The following PAM variants were observed in gnomAD, a reference collection of about 807,000 sequenced individuals.
The protein encoded by PAM is peptidylglycine alpha-amidating monooxygenase.
In PAM, 72 loss-of-function variants were observed where a neutral mutation model predicts 122.1. The ratio of observed to expected loss-of-function variants is 0.59; its 90% confidence interval spans 0.49 to 0.72. The LOEUF (loss-of-function observed/expected upper bound fraction) is 0.72, where lower values mean the gene tolerates loss of function less well. PAM is among the 30% of genes least tolerant of loss of function. The pLI is 0.00. For synonymous variants in PAM, 389 were observed against 404.4 expected (o/e 0.96, Z 0.46); for missense variants, 1,106 against 1,183.7 (o/e 0.93, Z 0.96).
chr5:103,013,882 A>G (rs1781299695), intron 21 of PAM, among the ~76,000 whole-genome samples: 1 of 152,182 alleles, frequency 6.6e-6, no homozygotes, highest in African/African-American at 2.4e-5. Flanking sequence ...TCCTTTCTTT[A>G]GGTTTCTATT....
chr5:102,840,173 CAT>C (rs915863013), intron 1 of PAM, among the ~76,000 whole-genome samples: 1 of 151,978 alleles, frequency 6.6e-6, no homozygotes, highest in Non-Finnish European at 1.5e-5. Context: ...AATTTAGAAA[CAT>C]AGAAACACCT....
chr5:102,857,719 A>G (rs369089091), intron 1 of PAM, among the ~76,000 whole-genome samples: 2 of 152,250 alleles, frequency 1.3e-5, no homozygotes, highest in South Asian at 4.2e-4. Context: ...AGGAATGATA[A>G]TGGTACAAAT....
At chr5:102,861,556 T>G (rs936253186) in intron 1 of PAM, among the ~76,000 whole-genome samples, 1 of 152,188 alleles carries the variant, frequency 6.6e-6, no homozygotes, top group African/African-American at 2.4e-5. Flanking sequence ...CAGCTCTCTT[T>G]GGAACACCTG....
chr5:102,792,960 A>T (rs999923240), intron 1 of PAM, among the ~76,000 whole-genome samples: 3 of 152,126 alleles, frequency 2.0e-5, no homozygotes, highest in African/African-American at 7.2e-5. Context: ...TGATCAAGTA[A>T]CATTGGAATA....
At chr5:102,802,227 A>C (rs935383802) in intron 1 of PAM, among the ~76,000 whole-genome samples, 2 of 152,226 alleles carry the variant, frequency 1.3e-5, no homozygotes, top group Admixed American at 6.5e-5. Context: ...GAAATGTTGA[A>C]GTAAGTTTTT....
At chr5:102,987,436 G>C (rs1772249334) in intron 15 of PAM, 1 of 408,142 alleles carries the variant, frequency 2.5e-6, no homozygotes, top group Admixed American at 2.8e-5. Flanking sequence ...CCAACATGTA[G>C]AGAGATGAAA....
intron 16 of PAM, among the ~76,000 whole-genome samples, chr5:102,997,246 A>C (rs1446950405): frequency 6.6e-6 from 1 of 152,142 alleles, no homozygotes; most frequent in African/African-American, 2.4e-5. Context: ...TTTTTTAAGG[A>C]TCCAACTTTT....
intron 16 of PAM, among the ~76,000 whole-genome samples, chr5:103,001,936 G>A (rs1777510155): frequency 1.3e-5 from 2 of 151,962 alleles, no homozygotes; most frequent in South Asian, 4.1e-4. Flanking sequence ...CTTGCCTGAT[G>A]CTATAAAGGC....
chr5:102,933,044 C>A (rs971961922), intron 7 of PAM, among the ~76,000 whole-genome samples: 1 of 152,150 alleles, frequency 6.6e-6, no homozygotes, highest in African/African-American at 2.4e-5. Context: ...GAGTTCCCGT[C>A]CAGTGAGCAT....
chr5:103,025,214 A>T lies in PAM; in HGVS notation c.2569A>T (p.Ile857Phe). 6.2e-7 allele frequency: 1 copy of T among 1,613,804 alleles called. No individual in the cohort carries two copies. Among genetic ancestry groups the T allele is most frequent in the Non-Finnish European group, 8.5e-7 (1 of 1,179,736 alleles). ...GAAGATGCAAGAGAAACAGAAACTGATCAAAGAGCCAGGCTCGGGAGTGCC... is the reference window on the plus strand; with the variant it reads ...GAAGATGCAAGAGAAACAGAAACTGTTCAAAGAGCCAGGCTCGGGAGTGCC... Reference protein sequence around the residue: ...LQKMQEKQKLIKEPGSGVPVV... With the variant: ...LQKMQEKQKLFKEPGSGVPVV... Residue 857 changes from isoleucine (I) to phenylalanine (F), a missense_variant, in exon 24 of 26, where the codon ATC becomes TTC. Around this residue, in one of 3 missense-constraint regions of PAM, gnomAD observed 333 missense variants for 335.6 expected, o/e 0.99. Coordinates refer to ENST00000438793, the MANE Select transcript of PAM (RefSeq NM_001177306.2).
chr5:102,880,061 A>C (rs1581248073), intron 3 of PAM, among the ~76,000 whole-genome samples: 1 of 152,186 alleles, frequency 6.6e-6, no homozygotes, highest in Non-Finnish European at 1.5e-5. Flanking sequence ...AAGGTGGATC[A>C]CTTGAGCCCA....
Position 102,901,375 on chromosome 5 carries a change from T to C in PAM, c.230T>C (p.Met77Thr), listed in dbSNP as rs754072884. 14 of 1,586,850 alleles carry C rather than the reference T, an allele frequency of 8.8e-6. No homozygotes were observed. The highest frequency in any genetic ancestry group is 1.1e-5 in the Non-Finnish European group (13 of 1,156,708). Residue 77 changes from methionine to threonine, a missense_variant, in exon 4 of 26, where the codon ATG (methionine) becomes ACG (threonine). Coordinates refer to ENST00000438793, the MANE Select transcript of PAM (RefSeq NM_001177306.2). ...TPKQSDTYFCMSMRIPVDEEA... is the reference protein window; with the variant it reads ...TPKQSDTYFCTSMRIPVDEEA... ...TAATAGTCCGATACATACTTCTGCA[T>C]GTCTATGCGAATACCAGTGGATGAG...
intron 17 of PAM, among the ~76,000 whole-genome samples, chr5:103,003,575 T>C (rs949925883): frequency 6.6e-6 from 1 of 152,200 alleles, no homozygotes; most frequent in African/African-American, 2.4e-5. Context: ...ATGTATACAA[T>C]TAAAATTTGT....
At chr5:102,784,449 A>G (rs1238469729) in intron 1 of PAM, among the ~76,000 whole-genome samples, 1 of 152,164 alleles carries the variant, frequency 6.6e-6, no homozygotes, top group Non-Finnish European at 1.5e-5. Context: ...GTAAGCTCTC[A>G]TATGACCCTG....
intron 24 of PAM, among the ~76,000 whole-genome samples, chr5:103,025,629 G>A (rs149940658): frequency 5.3e-5 from 8 of 152,220 alleles, no homozygotes; most frequent in African/African-American, 1.9e-4. Flanking sequence ...CGAAATTGTA[G>A]GTAGTAGAGT....
chr5:102,914,249 C>T (rs1249530040), intron 5 of PAM, among the ~76,000 whole-genome samples: 1 of 151,968 alleles, frequency 6.6e-6, no homozygotes, highest in Non-Finnish European at 1.5e-5. Context: ...ATATATGTCT[C>T]ATGGACATAA....
At chr5:102,848,945 T>C (rs988699559) in intron 1 of PAM, among the ~76,000 whole-genome samples, 1 of 151,926 alleles carries the variant, frequency 6.6e-6, no homozygotes, top group Non-Finnish European at 1.5e-5. Context: ...GCAAGATGAA[T>C]GAGAAAAGAC....
At chr5:102,884,939 C>T (rs911214896) in intron 3 of PAM, among the ~76,000 whole-genome samples, 1 of 151,776 alleles carries the variant, frequency 6.6e-6, no homozygotes, top group Non-Finnish European at 1.5e-5. Context: ...CCACCCTCAG[C>T]GAATCCAGTA....
intron 7 of PAM, among the ~76,000 whole-genome samples, chr5:102,941,661 T>A (rs1252962612): frequency 6.6e-6 from 1 of 152,026 alleles, no homozygotes; most frequent in Non-Finnish European, 1.5e-5. Flanking sequence ...GTAACTCAGA[T>A]TTTGTTTTGA....
Sources: allele counts gnomAD v4.1 joint callset (sites outside exome capture counted in the v4.1 genomes callset), GRCh38; gene constraint gnomAD v4.1.1; regional missense constraint gnomAD v4.1.1; transcripts MANE v1.5; gene names NCBI Gene and HGNC (gene_info 2026-07-23, HGNC 2026-07-21).